The following GABRB1 variants were observed in gnomAD, a reference collection of about 807,000 sequenced individuals.
GABRB1 encodes gamma-aminobutyric acid type A receptor subunit beta1.
GABRB1 carries 17 observed loss-of-function variants against 51.6 expected under a neutral mutation model. The observed-to-expected ratio is 0.33, with a 90% CI of 0.23 to 0.49. The LOEUF is 0.49. GABRB1 is among the 20% of genes least tolerant of loss of function. The probability of loss-of-function intolerance (pLI) is 0.99; values close to 1 mark genes in which losing one functional copy is unlikely to be tolerated. For missense variants in GABRB1, 410 were observed against 600.6 expected, an observed-to-expected ratio of 0.68 and a Z score of 3.32; for synonymous variants, 247 against 218.9, an observed-to-expected ratio of 1.13 and a Z score of -1.14.
At chr4:47,098,916 T>C (rs1013051533) in intron 3 of GABRB1, among the ~76,000 whole-genome samples, 1 of 152,060 alleles carries the variant, frequency 6.6e-6, no homozygotes, top group Non-Finnish European at 1.5e-5. Flanking sequence ...TTAGGAACAC[T>C]TTAGAAGATC....
rs181534962 is a variant in GABRB1 at position 47,337,387 on chromosome 4, G to A, written c.544+17178G>A. Among the ~76,000 whole-genome samples, 409 of 152,262 alleles carry A rather than the reference G, an allele frequency of 2.7e-3. 2 individuals are homozygous for A. Among genetic ancestry groups the A allele is most frequent in the Admixed American group, 4.9e-3 (75 of 15,282 alleles). ...AGGGAGAGCAAGGTTTTGATAAGAG[G>A]AGGTGGTGAGGATGAGAGCATTGAG... is the stretch of plus-strand genomic sequence containing the variant. On this transcript the variant is annotated intron_variant, in intron 5 of 8. Coordinates refer to ENST00000295454, the MANE Select transcript of GABRB1 (RefSeq NM_000812.4).
At chr4:47,289,939 C>G (rs953714666) in intron 4 of GABRB1, among the ~76,000 whole-genome samples, 1 of 151,966 alleles carries the variant, frequency 6.6e-6, no homozygotes, top group African/African-American at 2.4e-5. Context: ...TAAGTTGTGC[C>G]AAGAGTAAGA....
chr4:47,371,581 A>G (rs1387582951), intron 5 of GABRB1, among the ~76,000 whole-genome samples: 1 of 152,186 alleles, frequency 6.6e-6, no homozygotes, highest in Non-Finnish European at 1.5e-5. Context: ...CTTTTTCTCC[A>G]CAACCTCACG....
chr4:47,369,056 C>T (rs556679994), intron 5 of GABRB1, among the ~76,000 whole-genome samples: 112 of 152,110 alleles, frequency 7.4e-4, no homozygotes, highest in African/African-American at 2.6e-3. Context: ...TGCAGTGAGC[C>T]GAGATCACAT....
At chr4:47,284,700 A>G in intron 4 of GABRB1, among the ~76,000 whole-genome samples, 1 of 152,348 alleles carries the variant, frequency 6.6e-6, no homozygotes, top group East Asian at 1.9e-4. Context: ...AAGGGCAACC[A>G]TGATTGGTAT....
intron 3 of GABRB1, among the ~76,000 whole-genome samples, chr4:47,069,884 A>T (rs908195528): frequency 1.6e-4 from 24 of 152,100 alleles, no homozygotes; most frequent in African/African-American, 5.3e-4. Context: ...AGCCCACTGA[A>T]ATTAGCCTCC....
intron 3 of GABRB1, among the ~76,000 whole-genome samples, chr4:47,069,044 G>A (rs1215069983): frequency 6.6e-6 from 1 of 152,028 alleles, no homozygotes; most frequent in African/African-American, 2.4e-5. Flanking sequence ...TCTAAATTTT[G>A]CCTTCTTTCC....
intron 1 of GABRB1, among the ~76,000 whole-genome samples, chr4:47,019,310 T>C (rs1441075771): frequency 6.6e-6 from 1 of 152,192 alleles, no homozygotes; most frequent in Non-Finnish European, 1.5e-5. Flanking sequence ...CTCTTTCTAG[T>C]TTCTTTTTGT....
At chr4:47,006,819 G>A (rs77593812) in intron 1 of GABRB1, among the ~76,000 whole-genome samples, 4,489 of 152,232 alleles carry the variant, frequency 0.029, 291 homozygotes, top group East Asian at 0.13. Flanking sequence ...GATAAAGATT[G>A]CCACACTGAA....
At chr4:47,401,806 A>G (rs1560370002) in intron 5 of GABRB1, among the ~76,000 whole-genome samples, 2 of 71,102 alleles carry the variant, frequency 2.8e-5, no homozygotes, top group Admixed American at 2.2e-4. Flanking sequence ...AATTCCATCT[A>G]TCTATCTATC....
intron 4 of GABRB1, among the ~76,000 whole-genome samples, chr4:47,255,991 A>G (rs1245791708): frequency 6.6e-6 from 1 of 152,210 alleles, no homozygotes; most frequent in Non-Finnish European, 1.5e-5. Context: ...CTTCTTCAAG[A>G]AGAGTACAAA....
intron 4 of GABRB1, among the ~76,000 whole-genome samples, chr4:47,250,238 T>G (rs978624829): frequency 1.3e-5 from 2 of 152,192 alleles, no homozygotes; most frequent in African/African-American, 4.8e-5. Flanking sequence ...ACAAAATTTT[T>G]GGCTGATAAT....
chr4:47,339,036 C>A (rs1725794482), intron 5 of GABRB1, among the ~76,000 whole-genome samples: 1 of 152,116 alleles, frequency 6.6e-6, no homozygotes, highest in African/African-American at 2.4e-5. Flanking sequence ...TTTATTCACC[C>A]ACAAAGTTTC....
At chr4:47,328,442 A>G (rs1217612989) in intron 5 of GABRB1, among the ~76,000 whole-genome samples, 2 of 152,188 alleles carry the variant, frequency 1.3e-5, no homozygotes, top group Admixed American at 1.3e-4. Flanking sequence ...TTTATAAATC[A>G]TGCTGCTATA....
intron 3 of GABRB1, among the ~76,000 whole-genome samples, chr4:47,084,671 C>T (rs1727992213): frequency 1.3e-5 from 2 of 152,282 alleles, no homozygotes; most frequent in Admixed American, 1.3e-4. Flanking sequence ...TGATTCTGAG[C>T]TTCCCATCTC....
intron 3 of GABRB1, among the ~76,000 whole-genome samples, chr4:47,084,728 A>C (rs1351301210): frequency 6.6e-6 from 1 of 152,138 alleles, no homozygotes; most frequent in East Asian, 1.9e-4. Flanking sequence ...TAAGACTTAC[A>C]AGTTATTTGT....
At chr4:47,251,213 G>A (rs1029113022) in intron 4 of GABRB1, among the ~76,000 whole-genome samples, 1 of 152,082 alleles carries the variant, frequency 6.6e-6, no homozygotes, top group African/African-American at 2.4e-5. Flanking sequence ...TGATTATTGT[G>A]CTCTTCTGGG....
upstream of GABRB1, among the ~76,000 whole-genome samples, chr4:47,028,351 T>C (rs1197799577): frequency 6.6e-6 from 1 of 151,808 alleles, no homozygotes; most frequent in African/African-American, 2.4e-5. Context: ...TTTATGTTAT[T>C]TTAAAATGTA....
intron 1 of GABRB1, among the ~76,000 whole-genome samples, chr4:47,024,497 C>G (rs28444100): frequency 6.6e-6 from 1 of 151,754 alleles, no homozygotes; most frequent in African/African-American, 2.4e-5. Flanking sequence ...GACATGCGAC[C>G]GAAGAAAATA....
Sources: gnomAD v4.1 joint callset for allele counts (sites outside exome capture counted in the v4.1 genomes callset) on GRCh38, gnomAD v4.1.1 for gene constraint, MANE v1.5 for transcripts, NCBI Gene and HGNC (gene_info 2026-07-23, HGNC 2026-07-21) for gene names.